REEP1: variants seen among roughly 807,000 people sequenced by gnomAD.
The protein encoded by REEP1 is receptor accessory protein 1.
Under a neutral mutation model 40.3 loss-of-function variants are expected in REEP1, and 22 were observed. That is an observed-to-expected ratio of 0.55 (90% CI 0.39 to 0.78). REEP1 has a LOEUF of 0.78. Ranked by LOEUF, REEP1 falls within the 30% of genes least tolerant of loss-of-function variation. The pLI is 0.00. For missense variants in REEP1, 280 were observed against 361.1 expected, an observed-to-expected ratio of 0.78 and a Z score of 1.82; for synonymous variants, 116 against 139.2, an observed-to-expected ratio of 0.83 and a Z score of 1.17.
chr2:86,255,413 T>C (rs1294355183), intron 3 of REEP1, among the ~76,000 whole-genome samples: 2 of 152,158 alleles, frequency 1.3e-5, no homozygotes, highest in African/African-American at 4.8e-5. Context: ...GCAAACAGAT[T>C]TTGATCTTCT....
chr2:86,334,839 A>G (rs1257695692), intron 1 of REEP1, among the ~76,000 whole-genome samples: 2 of 152,146 alleles, frequency 1.3e-5, no homozygotes, highest in African/African-American at 4.8e-5. Context: ...GGGACTCATC[A>G]TTGATTTAGT....
intron 5 of REEP1, among the ~76,000 whole-genome samples, chr2:86,244,096 T>G (rs1056764939): frequency 1.3e-5 from 2 of 152,178 alleles, no homozygotes; most frequent in African/African-American, 4.8e-5. Context: ...TCTGACTAAT[T>G]GTTAACAGGT....
chr2:86,266,135 A>G (rs1051043740), intron 2 of REEP1, among the ~76,000 whole-genome samples: 1 of 152,264 alleles, frequency 6.6e-6, no homozygotes, highest in Admixed American at 6.5e-5. Flanking sequence ...TTTAAAAGGT[A>G]TCAATACGTT....
chr2:86,292,522 C>A (rs1678769446), intron 1 of REEP1, among the ~76,000 whole-genome samples: 1 of 152,172 alleles, frequency 6.6e-6, no homozygotes, highest in Admixed American at 6.5e-5. Flanking sequence ...AGAAGATTCA[C>A]TTACAATGAC....
chr2:86,274,720 T>G (rs948615928), intron 2 of REEP1, among the ~76,000 whole-genome samples: 7 of 152,156 alleles, frequency 4.6e-5, no homozygotes, highest in Non-Finnish European at 1.0e-4. Flanking sequence ...ATGGCCAATT[T>G]GAGAGGTAAT....
chr2:86,261,313 A>T lies in REEP1; in HGVS notation c.182+2652T>A, dbSNP rs367717860. Among the ~76,000 whole-genome samples the T allele has an allele frequency of 1.4e-4, 21 of 152,326 alleles. No homozygotes were observed. The East Asian group carries it at 3.1e-3, about 22-fold the overall frequency. ...AGGAGTTTCCTTGTGGGGAAAAGCA[A>T]GAGAGATCAGATTGTTACTGTGTCT... is the stretch of plus-strand genomic sequence containing the variant. On this transcript the variant is annotated intron_variant, in intron 3 of 8. Coordinates refer to ENST00000538924, the MANE Select transcript of REEP1 (RefSeq NM_001371279.1).
chr2:86,217,215 C>A, intron 8 of REEP1, 105 bp from the exon 9 acceptor site: 1 of 946,084 alleles, frequency 1.1e-6, no homozygotes, highest in Non-Finnish European at 1.7e-6. Context: ...CTCCTTTGGC[C>A]AAATGCAGCT....
intron 1 of REEP1, among the ~76,000 whole-genome samples, chr2:86,314,732 G>C (rs374480146): frequency 3.3e-5 from 5 of 149,310 alleles, no homozygotes; most frequent in Non-Finnish European, 6.0e-5. Context: ...GTGCAGTGGC[G>C]CGATCTTGGC....
At chr2:86,327,317 A>T (rs550404636) in intron 1 of REEP1, among the ~76,000 whole-genome samples, 1 of 152,072 alleles carries the variant, frequency 6.6e-6, no homozygotes, top group South Asian at 2.1e-4. Flanking sequence ...TGGTAGCTCT[A>T]TTATAGAAAT....
intron 7 of REEP1, 116 bp downstream of exon 7, chr2:86,227,247 C>G (rs1355071193): frequency 1.3e-6 from 1 of 793,718 alleles, no homozygotes; most frequent in Admixed American, 4.3e-5. Flanking sequence ...CCTCCTGACC[C>G]CTCCCTATGA....
intron 2 of REEP1, among the ~76,000 whole-genome samples, chr2:86,271,809 A>G (rs1166710712): frequency 6.6e-6 from 1 of 152,248 alleles, no homozygotes; most frequent in Admixed American, 6.5e-5. Context: ...TCTCAACATC[A>G]GTATCCAGAC....
chr2:86,245,925 C>T (rs1030435514), intron 5 of REEP1, among the ~76,000 whole-genome samples: 9 of 152,090 alleles, frequency 5.9e-5, no homozygotes, highest in East Asian at 1.9e-4. Flanking sequence ...CCACCACGCC[C>T]GGCTAATTTT....
At chr2:86,276,538 C>T (rs1677765626) in intron 2 of REEP1, among the ~76,000 whole-genome samples, 1 of 152,124 alleles carries the variant, frequency 6.6e-6, no homozygotes, top group East Asian at 1.9e-4. Flanking sequence ...CACCCAATGC[C>T]CTGCGGTGGC....
At chr2:86,267,030 A>C (rs1026555599) in intron 2 of REEP1, among the ~76,000 whole-genome samples, 3 of 151,812 alleles carry the variant, frequency 2.0e-5, no homozygotes, top group Non-Finnish European at 4.4e-5. Context: ...AACAAAAAAA[A>C]ACAACCAAAC....
In REEP1 at chr2:86,232,668, C is replaced by T. The variant is rs1157472881; in HGVS notation, c.552G>A (p.Gln184=). 6.2e-7 allele frequency: 1 copy of T among 1,612,812 alleles called. No homozygotes were observed. Among genetic ancestry groups the T allele is most frequent in the Non-Finnish European group, 8.5e-7 (1 of 1,179,994 alleles). ...GSGRASGKHG[Q]PKMSRSASES... ...CAGAAGCACTCCTGGACATCTTAGG[C>T]TGGCCGTGTTTGCCGCTGGCCCGCC... Residue 184 remains glutamine, a synonymous_variant, in exon 6 of 9, where the codon CAG becomes CAA. Transcript: ENST00000538924.
At chr2:86,336,079 G>A (rs1167586115) in intron 1 of REEP1, among the ~76,000 whole-genome samples, 2 of 152,172 alleles carry the variant, frequency 1.3e-5, no homozygotes, top group Non-Finnish European at 2.9e-5. Flanking sequence ...ATCCCAGAGA[G>A]GAAACACCAC....
chr2:86,282,768 T>A (rs1018040869), intron 1 of REEP1, among the ~76,000 whole-genome samples: 1 of 152,192 alleles, frequency 6.6e-6, no homozygotes, highest in South Asian at 2.1e-4. Flanking sequence ...TGCATTAGCC[T>A]GTTTCTCATT....
chr2:86,230,834 T>G (rs1574001977), intron 6 of REEP1, among the ~76,000 whole-genome samples: 1 of 152,112 alleles, frequency 6.6e-6, no homozygotes, highest in South Asian at 2.1e-4. Context: ...GGCTACCCCC[T>G]TCGAACTTCA....
At chr2:86,306,049 TA>T (rs1426550719) in intron 1 of REEP1, among the ~76,000 whole-genome samples, 1 of 152,226 alleles carries the variant, frequency 6.6e-6, no homozygotes, top group African/African-American at 2.4e-5. Flanking sequence ...ATATTTAACC[TA>T]ATTTTAAAAC....
Sources: allele counts gnomAD v4.1 joint callset (sites outside exome capture counted in the v4.1 genomes callset), GRCh38; gene constraint gnomAD v4.1.1; transcripts MANE v1.5; gene names NCBI Gene and HGNC (gene_info 2026-07-23, HGNC 2026-07-21).